PRKG1: variants seen among roughly 807,000 people sequenced by gnomAD.
PRKG1 encodes cGMP-dependent protein kinase 1.
Under a neutral mutation model 88.1 loss-of-function variants are expected in PRKG1, and 35 were observed. The ratio of observed to expected loss-of-function variants is 0.40; its 90% CI spans 0.30 to 0.53. PRKG1 has a LOEUF of 0.53. PRKG1 is among the 20% of genes least tolerant of loss of function. The pLI, the probability that PRKG1 is intolerant of heterozygous loss-of-function variation, is 0.59. For synonymous variants in PRKG1, 303 were observed against 292.5 expected (o/e 1.04, Z -0.37); for missense variants, 540 against 839.8 (o/e 0.64, Z 4.41).
chr10:51,450,937 C>T (rs903201336), intron 2 of PRKG1, among the ~76,000 whole-genome samples: 3 of 151,380 alleles, frequency 2.0e-5, no homozygotes, highest in Non-Finnish European at 2.9e-5. Flanking sequence ...TAAAGTTAAA[C>T]ATTTTGTGTA....
At chr10:51,986,369 A>G (rs1455758880) in intron 5 of PRKG1, among the ~76,000 whole-genome samples, 2 of 152,214 alleles carry the variant, frequency 1.3e-5, no homozygotes, top group Admixed American at 1.3e-4. Flanking sequence ...TTATATTAAC[A>G]TAGTCACATA....
rs1845348946 is a variant in PRKG1 at position 51,124,555 on chromosome 10, G to A, written c.312-28609G>A. On this transcript the variant is annotated intron_variant, in intron 1 of 17. Transcript: ENST00000373980. ...ACATGATTTTGATCCCTAAAGGCCAGAATGCTGAAGGTTTTGTTCTAATTT... is the reference window on the plus strand; with the variant it reads ...ACATGATTTTGATCCCTAAAGGCCAAAATGCTGAAGGTTTTGTTCTAATTT... Among the ~76,000 whole-genome samples, 3 of 152,148 alleles carry A rather than the reference G, an allele frequency of 2.0e-5. No individual in the cohort carries two copies. In the South Asian group the frequency reaches 6.2e-4, roughly 32 times the overall value.
At chr10:51,500,096 T>C (rs988439898) in intron 3 of PRKG1, among the ~76,000 whole-genome samples, 1 of 152,264 alleles carries the variant, frequency 6.6e-6, no homozygotes, top group African/African-American at 2.4e-5. Context: ...TATTTTTTTA[T>C]TGTTCATGAA....
intron 1 of PRKG1, among the ~76,000 whole-genome samples, chr10:51,109,497 C>A (rs1458910028): frequency 6.6e-6 from 1 of 152,064 alleles, no homozygotes; most frequent in Non-Finnish European, 1.5e-5. Flanking sequence ...GGATATTCTT[C>A]AAGAAACAGT....
At chr10:51,252,574 T>C (rs1028763732) in intron 2 of PRKG1, among the ~76,000 whole-genome samples, 1 of 150,488 alleles carries the variant, frequency 6.6e-6, no homozygotes. Context: ...TTTCATGAAA[T>C]AGTGAGAGTT....
intron 1 of PRKG1, among the ~76,000 whole-genome samples, chr10:51,020,364 A>G (rs903786535): frequency 4.6e-5 from 7 of 152,134 alleles, no homozygotes; most frequent in Non-Finnish European, 8.8e-5. Context: ...AGTCTCTAAG[A>G]GACGTGTACT....
At chr10:51,278,360 A>G (rs1423255287) in intron 2 of PRKG1, among the ~76,000 whole-genome samples, 1 of 152,138 alleles carries the variant, frequency 6.6e-6, no homozygotes, top group Non-Finnish European at 1.5e-5. Flanking sequence ...GTTTGCCCGT[A>G]TTCTGTTGAG....
At chr10:51,313,738 T>C (rs1841251253) in intron 2 of PRKG1, among the ~76,000 whole-genome samples, 1 of 152,116 alleles carries the variant, frequency 6.6e-6, no homozygotes, top group Non-Finnish European at 1.5e-5. Context: ...CTAAATAAAA[T>C]AGCATAATAT....
At chr10:52,081,597 G>A in intron 7 of PRKG1, 1 of 456,530 alleles carries the variant, frequency 2.2e-6, no homozygotes, top group Non-Finnish European at 4.4e-6. Flanking sequence ...TACGATGTAG[G>A]CATTTGGGAA....
chr10:51,115,472 A>C (rs1305657728), intron 1 of PRKG1, among the ~76,000 whole-genome samples: 3 of 145,876 alleles, frequency 2.1e-5, no homozygotes, highest in South Asian at 2.3e-4. Context: ...TTTTCAGCCA[A>C]ATTTGGGAGA....
chr10:51,759,995 G>C (rs1218830916), intron 3 of PRKG1, among the ~76,000 whole-genome samples: 2 of 152,162 alleles, frequency 1.3e-5, no homozygotes, highest in African/African-American at 2.4e-5. Context: ...AACAAAGCTA[G>C]TCTGGCAGAA....
rs538397819 is a variant in PRKG1, at chr10:51,010,127, A to G, written c.266+18483A>G. 5.3e-5 allele frequency among the ~76,000 whole-genome samples: 8 copies of G among 152,328 alleles called. No individual in the cohort carries two copies. The South Asian group carries it at 1.0e-3, about 20-fold the overall frequency. On this transcript the variant is annotated intron_variant, in intron 1 of 17. Coordinates refer to the PRKG1 transcript ENST00000401604. Reference sequence around the variant, plus strand: ...TGATTTGTGGGAATTTTCCAGGGCCATTGTTTGTGCGAAGTTGTGTTAAGA... The same window carrying G: ...TGATTTGTGGGAATTTTCCAGGGCCGTTGTTTGTGCGAAGTTGTGTTAAGA...
chr10:52,136,530 C>A (rs952247680), intron 8 of PRKG1, among the ~76,000 whole-genome samples: 1 of 152,022 alleles, frequency 6.6e-6, no homozygotes, highest in Non-Finnish European at 1.5e-5. Flanking sequence ...ATACAGTGTA[C>A]ACTGACAAGT....
intron 8 of PRKG1, among the ~76,000 whole-genome samples, chr10:52,143,165 T>C (rs1837631064): frequency 6.6e-6 from 1 of 152,164 alleles, no homozygotes; most frequent in Admixed American, 6.5e-5. Flanking sequence ...TCACTAACAC[T>C]ACTCCTGTGA....
At chr10:51,301,432 C>G (rs1174267692) in intron 2 of PRKG1, among the ~76,000 whole-genome samples, 1 of 151,308 alleles carries the variant, frequency 6.6e-6, no homozygotes, top group African/African-American at 2.5e-5. Context: ...CTAATTATTT[C>G]TGAAGTAGGG....
At chr10:51,454,722 T>G (rs913922417) in intron 2 of PRKG1, among the ~76,000 whole-genome samples, 4 of 152,186 alleles carry the variant, frequency 2.6e-5, no homozygotes, top group Admixed American at 6.5e-5. Flanking sequence ...CCATAAGATC[T>G]CATTAAACTT....
intron 3 of PRKG1, among the ~76,000 whole-genome samples, chr10:51,525,677 A>G (rs1478587268): frequency 1.3e-5 from 2 of 152,184 alleles, no homozygotes; most frequent in Non-Finnish European, 2.9e-5. Flanking sequence ...CAGCCTGGGC[A>G]ACAGAGTGAG....
chr10:51,403,780 C>T (rs17529748), intron 2 of PRKG1, among the ~76,000 whole-genome samples: 24,799 of 152,144 alleles, frequency 0.16, 2,344 homozygotes, highest in Non-Finnish European at 0.22. Flanking sequence ...CTGCTCTATA[C>T]AAACCATCGA....
chr10:51,858,407 T>A lies in PRKG1; in HGVS notation c.699-49100T>A, dbSNP rs1357555640. On this transcript the variant is annotated intron_variant, in intron 4 of 17. Coordinates refer to ENST00000373980, the MANE Select transcript of PRKG1 (RefSeq NM_006258.4). ...ATATATATAATATATATAATATATA[T>A]AAAATATATATATAATATATATATA... Among the ~76,000 whole-genome samples, 2 of 59,198 alleles carry A rather than the reference T, an allele frequency of 3.4e-5. 1 individual carries two copies. The highest frequency in any genetic ancestry group is 5.5e-4 in the Admixed American group (2 of 3,604). 38.8% of individuals were successfully genotyped at this position (59,198 alleles called of 152,430 possible). A position where few individuals can be genotyped will look rare whatever the true frequency, so the allele number is the denominator to read the frequency against.
Sources: gnomAD v4.1 joint callset for allele counts (sites outside exome capture counted in the v4.1 genomes callset) on GRCh38, gnomAD v4.1.1 for gene constraint, MANE v1.5 for transcripts, NCBI Gene and HGNC (gene_info 2026-07-23, HGNC 2026-07-21) for gene names.